Variants in ADGRL4 observed in about 807,000 individuals in gnomAD.
ADGRL4 encodes EGF, latrophilin and seven transmembrane domain containing 1.
ADGRL4 carries 90 observed loss-of-function variants against 74.8 expected under a neutral mutation model. That is an observed-to-expected ratio of 1.20 (90% CI 1.02 to 1.43). The LOEUF is 1.43. Among genes scored for constraint, ADGRL4 ranks in the 40% most tolerant of loss-of-function variants. The pLI, the probability that ADGRL4 is intolerant of heterozygous loss-of-function variation, is 0.00. For synonymous variants in ADGRL4, 311 were observed against 279.2 expected, an observed-to-expected ratio of 1.11 and a Z score of -1.14; for missense variants, 881 against 814.3, an observed-to-expected ratio of 1.08 and a Z score of -1.00.
chr1:78,956,256 A>C (rs942548387), intron 2 of ADGRL4, among the ~76,000 whole-genome samples: 2 of 152,142 alleles, frequency 1.3e-5, no homozygotes, highest in Non-Finnish European at 2.9e-5. Context: ...GTAAACTTAC[A>C]TAACTTTCCC....
chr1:78,956,785 G>T (rs1217310920), intron 2 of ADGRL4, among the ~76,000 whole-genome samples: 2 of 152,072 alleles, frequency 1.3e-5, no homozygotes, highest in South Asian at 2.1e-4. Flanking sequence ...AGAAGAAAAA[G>T]AAGTCAAAAT....
At position 79,005,127 on chromosome 1, in the gene ADGRL4, T is replaced by G. The variant is rs1364701895; in HGVS notation, c.115A>C (p.Ile39Leu). Residue 39 changes from isoleucine (I) to leucine (L), a missense_variant, in exon 2 of 15, where the codon ATT becomes CTT. Ile to Leu is a conservative substitution (Grantham distance 5, BLOSUM62 2). Coordinates refer to ENST00000370742, the MANE Select transcript of ADGRL4 (RefSeq NM_022159.4). The stretch of plus-strand genomic sequence containing the variant: ...CCCATGTTGCAATAGCAGGCTTCAA[T>G]TCCATTGCGTATTTCACATTTTGCA... The part of the protein sequence containing the change: ...PNAKCEIRNG[I>L]EACYCNMGFS... The G allele has an allele frequency of 2.5e-6, 4 of 1,613,574 alleles. No individual in the cohort carries two copies. Among genetic ancestry groups the G allele is most frequent in the Middle Eastern group, 1.7e-4 (1 of 6,056 alleles).
chr1:78,986,771 T>A (rs1650507100), intron 2 of ADGRL4, among the ~76,000 whole-genome samples: 2 of 151,896 alleles, frequency 1.3e-5, no homozygotes, highest in South Asian at 4.1e-4. Flanking sequence ...AGTTATTCAC[T>A]CATCATAACT....
intron 2 of ADGRL4, among the ~76,000 whole-genome samples, chr1:78,982,888 T>C (rs938930619): frequency 1.1e-4 from 16 of 151,678 alleles, no homozygotes; most frequent in Admixed American, 9.9e-4. Context: ...ACTGAAAAAA[T>C]TGTCTAAAGT....
chr1:78,936,840 T>C (rs1368456270), intron 6 of ADGRL4, among the ~76,000 whole-genome samples: 2 of 152,300 alleles, frequency 1.3e-5, no homozygotes, highest in East Asian at 1.9e-4. Flanking sequence ...TATAAAAATA[T>C]AGAGCACCTA....
chr1:78,979,038 TA>T (rs1162929385), intron 2 of ADGRL4, among the ~76,000 whole-genome samples: 1 of 151,960 alleles, frequency 6.6e-6, no homozygotes, highest in African/African-American at 2.4e-5. Flanking sequence ...GTGTCTACAT[TA>T]AACCAGGAAA....
chr1:78,975,865 C>T (rs1308220211), intron 2 of ADGRL4, among the ~76,000 whole-genome samples: 1 of 151,744 alleles, frequency 6.6e-6, no homozygotes, highest in Non-Finnish European at 1.5e-5. Flanking sequence ...CAGATTTACC[C>T]TCTGAACAGA....
At position 78,962,043 on chromosome 1, in the gene ADGRL4, G is replaced by T. The variant is rs560628934; in HGVS notation, c.173-15617C>A. On this transcript the variant is annotated intron_variant, in intron 2 of 14. Transcript: ENST00000370742. ...TTGCAGGCATGCGCCATCACACCTG[G>T]CTAATTTTGTATTTTTTAGTAGAGA... is the stretch of plus-strand genomic sequence containing the variant. Among the ~76,000 whole-genome samples the T allele has an allele frequency of 2.6e-5, 4 of 152,134 alleles. No homozygotes were observed. In the East Asian group the frequency reaches 5.8e-4, roughly 22 times the overall value.
Position 78,926,950 on chromosome 1 carries a change from A to C in ADGRL4, c.1019T>G (p.Met340Arg), listed in dbSNP as rs780739638. ...ATATAATGTGGGTGGGTTTGAGCTC[A>C]TTGAGACTGAAATTACTGAAGATAT... ...RVISSVISVSMSSNPPTLYEL... is the reference protein window; with the variant it reads ...RVISSVISVSRSSNPPTLYEL... Residue 340 changes from methionine (M) to arginine (R), a missense_variant, in exon 8 of 15, where the codon ATG (methionine) becomes AGG (arginine). Met to Arg is a moderately conservative substitution (Grantham distance 91, BLOSUM62 -1). Coordinates refer to ENST00000370742, the MANE Select transcript of ADGRL4 (RefSeq NM_022159.4). 4.3e-6 allele frequency: 7 copies of C among 1,612,224 alleles called. No homozygotes were observed. Among genetic ancestry groups the C allele is most frequent in the Admixed American group, 3.3e-5 (2 of 59,832 alleles).
intron 12 of ADGRL4, among the ~76,000 whole-genome samples, chr1:78,904,135 C>G (rs1648580162): frequency 6.6e-6 from 1 of 151,690 alleles, no homozygotes; most frequent in Non-Finnish European, 1.5e-5. Context: ...TTTATATACT[C>G]CTTCACTAAA....
intron 2 of ADGRL4, 81 bp from the exon 3 acceptor site, chr1:78,946,507 T>C (rs1307152453): frequency 8.2e-7 from 1 of 1,213,716 alleles, no homozygotes; most frequent in Non-Finnish European, 1.2e-6. Context: ...TTTTGGAATA[T>C]TGACTGTTAG....
intron 14 of ADGRL4, 117 bp downstream of exon 14, chr1:78,891,407 G>A: frequency 3.2e-6 from 4 of 1,260,956 alleles, no homozygotes; most frequent in Non-Finnish European, 3.2e-6. Flanking sequence ...GAACAGCTAG[G>A]CGATTTAGGC....
intron 2 of ADGRL4, among the ~76,000 whole-genome samples, chr1:78,965,637 C>T (rs1650040331): frequency 1.3e-5 from 2 of 152,278 alleles, no homozygotes; most frequent in African/African-American, 4.8e-5. Flanking sequence ...TCTCCTGTAT[C>T]CATTTTTACC....
At chr1:78,965,605 C>T (rs1473049403) in intron 2 of ADGRL4, among the ~76,000 whole-genome samples, 2 of 152,156 alleles carry the variant, frequency 1.3e-5, no homozygotes, top group Non-Finnish European at 2.9e-5. Flanking sequence ...CTGGATATAA[C>T]AAGAGATTGT....
rs541154570 is a variant in ADGRL4, at chr1:78,988,929, C to T, written c.172+16141G>A. On this transcript the variant is annotated intron_variant, in intron 2 of 14. Transcript: ENST00000370742. ...TTCTCTATTCTAATAAGCTTTATGCCGAAGTATTCTGCAAGTCTTTTTACA... is the reference window on the plus strand; with the variant it reads ...TTCTCTATTCTAATAAGCTTTATGCTGAAGTATTCTGCAAGTCTTTTTACA... Among the ~76,000 whole-genome samples the T allele has an allele frequency of 7.3e-5, 11 of 151,672 alleles. 1 individual carries two copies. Among genetic ancestry groups the T allele is most frequent in the East Asian group, 3.9e-4 (2 of 5,164 alleles).
chr1:79,005,325 G>C, intron 1 of ADGRL4, 106 bp from the exon 2 acceptor site: 1 of 901,416 alleles, frequency 1.1e-6, no homozygotes, highest in East Asian at 3.1e-5. Context: ...TTTCTATTTA[G>C]ATAAATGGAT....
At chr1:78,946,465 T>C in intron 2 of ADGRL4, 39 bp from the exon 3 acceptor site, 1 of 1,509,762 alleles carries the variant, frequency 6.6e-7, no homozygotes, top group Non-Finnish European at 9.0e-7. Flanking sequence ...TTTTATATAA[T>C]TGACATAAAT....
At chr1:78,963,482 C>T (rs896244928) in intron 2 of ADGRL4, among the ~76,000 whole-genome samples, 5 of 152,144 alleles carry the variant, frequency 3.3e-5, no homozygotes, top group African/African-American at 1.2e-4. Context: ...CTCTTGAAGT[C>T]TCCTTAGGAA....
At chr1:78,930,780 G>T (rs1480161716) in intron 7 of ADGRL4, among the ~76,000 whole-genome samples, 1 of 151,294 alleles carries the variant, frequency 6.6e-6, no homozygotes, top group Non-Finnish European at 1.5e-5. Flanking sequence ...AGAAGAATCA[G>T]CTTTTAGCGG....
Sources: gnomAD v4.1 joint callset for allele counts (sites outside exome capture counted in the v4.1 genomes callset) on GRCh38, gnomAD v4.1.1 for gene constraint, MANE v1.5 for transcripts, NCBI Gene and HGNC (gene_info 2026-07-23, HGNC 2026-07-21) for gene names.